The following TPTE variants were observed in gnomAD, a reference collection of about 807,000 sequenced individuals.
The protein encoded by TPTE is putative tyrosine-protein phosphatase TPTE.
Under a neutral mutation model 84.1 loss-of-function variants are expected in TPTE, and 59 were observed. The observed-to-expected ratio is 0.70, with a 90% CI of 0.57 to 0.87. The LOEUF (loss-of-function observed/expected upper bound fraction) is 0.87. Among genes scored for constraint, TPTE ranks in the 40% least tolerant of loss-of-function variants. The probability of loss-of-function intolerance (pLI) is 0.00; values close to 1 mark genes in which losing one functional copy is unlikely to be tolerated. For synonymous variants in TPTE, 130 were observed against 223.5 expected (o/e 0.58, Z 3.73); for missense variants, 382 against 659.6 (o/e 0.58, Z 4.61).
At chr21:10,592,784 G>T (rs570142044) in intron 19 of TPTE, among the ~76,000 whole-genome samples, 1 of 151,086 alleles carries the variant, frequency 6.6e-6, no homozygotes, top group African/African-American at 2.5e-5. Context: ...ACATCACAAA[G>T]ACTGTTTTTG....
At position 10,605,545 on chromosome 21, in the gene TPTE, C is replaced by A; in HGVS notation, c.1649C>A (p.Ser550Tyr). 1 of 1,614,112 alleles carries A rather than the reference C, an allele frequency of 6.2e-7. No homozygotes were observed. Among genetic ancestry groups the A allele is most frequent in the African/African-American group, 1.3e-5 (1 of 75,080 alleles). ...ACTTCCAGTGATGTTGTAGCTGGAT[C>A]CGATTAAGTATAGCTCCCCCTTCCC... ...KMTSSDVVAGSD is the reference protein window; with the variant it reads ...KMTSSDVVAGYD The change falls in exon 24 of 24, where the codon TCC becomes TAC. Residue 550 changes from serine to tyrosine, a missense_variant. Physicochemically the swap from Ser to Tyr is moderately radical, Grantham distance 144. This residue lies in a region of TPTE where 120 missense variants were observed against 79.1 expected (regional missense o/e 1.52). Coordinates refer to ENST00000618007, the MANE Select transcript of TPTE (RefSeq NM_199261.4).
intron 10 of TPTE, among the ~76,000 whole-genome samples, chr21:10,565,878 A>G (rs2074910547): frequency 6.6e-6 from 1 of 152,298 alleles, no homozygotes; most frequent in African/African-American, 2.4e-5. Flanking sequence ...AAAGACTTAA[A>G]TCTAAGACCT....
intron 7 of TPTE, among the ~76,000 whole-genome samples, chr21:10,549,411 T>C (rs1222890749): frequency 6.6e-6 from 1 of 152,304 alleles, no homozygotes; most frequent in Non-Finnish European, 1.5e-5. Flanking sequence ...AGAATAATCT[T>C]AAGGAAACTC....
At chr21:10,529,768 CA>C (rs1387672023) in intron 3 of TPTE, among the ~76,000 whole-genome samples, 1 of 152,298 alleles carries the variant, frequency 6.6e-6, no homozygotes, top group Non-Finnish European at 1.5e-5. Context: ...AATTAATATC[CA>C]TGTTGGGGGG....
chr21:10,561,340 A>C (rs1371907968), intron 10 of TPTE, 149 bp downstream of exon 10: 1 of 1,189,734 alleles, frequency 8.4e-7, no homozygotes, highest in Non-Finnish European at 1.2e-6. Context: ...AAAAATACAA[A>C]AATTAGCTGG....
intron 10 of TPTE, among the ~76,000 whole-genome samples, chr21:10,565,329 A>T (rs1355999549): frequency 6.6e-6 from 1 of 152,310 alleles, no homozygotes; most frequent in Non-Finnish European, 1.5e-5. Context: ...AATGAAAATG[A>T]TAAAACACTG....
At chr21:10,594,882 G>A (rs2075552540) in intron 19 of TPTE, among the ~76,000 whole-genome samples, 1 of 152,312 alleles carries the variant, frequency 6.6e-6, no homozygotes, top group African/African-American at 2.4e-5. Context: ...CCTGCATTGT[G>A]GGCCATTCTA....
chr21:10,528,234 T>C (rs2074114880), intron 3 of TPTE, among the ~76,000 whole-genome samples: 1 of 152,306 alleles, frequency 6.6e-6, no homozygotes, highest in Non-Finnish European at 1.5e-5. Context: ...TTATGTTGTT[T>C]CTTACTATTT....
chr21:10,542,772 T>G (rs1240487229), intron 6 of TPTE, among the ~76,000 whole-genome samples: 1 of 152,302 alleles, frequency 6.6e-6, no homozygotes, highest in Admixed American at 6.5e-5. Context: ...AGTTTCCAAT[T>G]CGTCTCATTG....
At chr21:10,602,427 TAAA>T (rs71228809) in intron 22 of TPTE, among the ~76,000 whole-genome samples, 48 of 149,708 alleles carry the variant, frequency 3.2e-4, no homozygotes, top group Middle Eastern at 3.5e-3. Flanking sequence ...GTCAAGATGC[TAAA>T]AAAAAAAAAC....
intron 2 of TPTE, 142 bp downstream of exon 2, chr21:10,524,830 C>T (rs2145569437): frequency 6.6e-6 from 1 of 152,508 alleles, no homozygotes; most frequent in South Asian, 2.1e-4. Context: ...TATTTCTACT[C>T]CTACTGCAGA....
intron 10 of TPTE, among the ~76,000 whole-genome samples, chr21:10,562,189 G>T (rs951357440): frequency 6.6e-6 from 1 of 152,310 alleles, no homozygotes; most frequent in African/African-American, 2.4e-5. Context: ...GGCTTGGGGT[G>T]CCCCCTAAAG....
At chr21:10,544,307 T>C (rs1346958575) in intron 7 of TPTE, among the ~76,000 whole-genome samples, 1 of 152,308 alleles carries the variant, frequency 6.6e-6, no homozygotes, top group African/African-American at 2.4e-5. Flanking sequence ...GTAGTATTGA[T>C]TTTTAAGCCA....
chr21:10,584,845 G>A (rs1464697670), intron 17 of TPTE, among the ~76,000 whole-genome samples: 5 of 152,290 alleles, frequency 3.3e-5, no homozygotes. Flanking sequence ...ATTATCAAAG[G>A]AAAAGCTTTC....
intron 10 of TPTE, among the ~76,000 whole-genome samples, chr21:10,565,097 A>G (rs1251823465): frequency 6.6e-6 from 1 of 152,308 alleles, no homozygotes; most frequent in African/African-American, 2.4e-5. Flanking sequence ...GATACATTTT[A>G]TTTGGAAAAT....
intron 2 of TPTE, among the ~76,000 whole-genome samples, chr21:10,526,890 T>A (rs2074088695): frequency 6.6e-6 from 1 of 152,416 alleles, no homozygotes; most frequent in East Asian, 1.9e-4. Context: ...AAGCCAGGGG[T>A]TTCGGTGCTA....
chr21:10,566,389 C>T (rs1236472342), intron 10 of TPTE, among the ~76,000 whole-genome samples: 2 of 152,302 alleles, frequency 1.3e-5, no homozygotes, highest in African/African-American at 4.8e-5. Context: ...GATAAGAGAA[C>T]CCTCATACAC....
intron 19 of TPTE, 50 bp downstream of exon 19, chr21:10,592,423 A>T: frequency 6.3e-7 from 1 of 1,598,056 alleles, no homozygotes; most frequent in Non-Finnish European, 8.6e-7. Context: ...GTGGGTTCAG[A>T]TTGCCACCTG....
At chr21:10,575,691 C>T (rs1302676039) in intron 14 of TPTE, among the ~76,000 whole-genome samples, 7 of 152,418 alleles carry the variant, frequency 4.6e-5, no homozygotes, top group South Asian at 4.1e-4. Flanking sequence ...GTTTCTCAGC[C>T]TTCACTGGTA....
Sources: gnomAD v4.1 joint callset for allele counts (sites outside exome capture counted in the v4.1 genomes callset) on GRCh38, gnomAD v4.1.1 for gene constraint, gnomAD v4.1.1 regional missense constraint, MANE v1.5 for transcripts, NCBI Gene and HGNC (gene_info 2026-07-23, HGNC 2026-07-21) for gene names.